Variants in CEP112 observed in about 807,000 individuals in gnomAD.
CEP112 encodes centrosomal protein 112, also known as centrosomal protein of 112 kDa.
A neutral mutation model predicts 153.0 loss-of-function variants in CEP112; 127 were observed. The ratio of observed to expected loss-of-function variants is 0.83; its 90% CI spans 0.72 to 0.96. The LOEUF (loss-of-function observed/expected upper bound fraction) is 0.96. CEP112 is among the 40% of genes least tolerant of loss of function. CEP112 has a pLI of 0.00. For missense variants in CEP112, 1,089 were observed against 1,101.2 expected (o/e 0.99, Z 0.16); for synonymous variants, 358 against 374.4 (o/e 0.96, Z 0.51).
rs531394296 is a variant in CEP112, at chr17:65,872,016, C to G, written c.2164-19982G>C. 6.2e-4 allele frequency among the ~76,000 whole-genome samples: 94 copies of G among 152,218 alleles called. 2 individuals carry two copies. The highest frequency in any genetic ancestry group is 4.6e-3 in the South Asian group (22 of 4,828). On this transcript the variant is annotated intron_variant, in intron 20 of 26. Transcript: ENST00000535342. ...TTATTTGCTGCTTTTTTTCTCTATT[C>G]ATAAAATGAATTCACCTGATATAAA...
intron 21 of CEP112, among the ~76,000 whole-genome samples, chr17:65,824,702 T>C (rs973304947): frequency 3.3e-5 from 5 of 152,144 alleles, no homozygotes; most frequent in Non-Finnish European, 5.9e-5. Flanking sequence ...ACGGAGATTG[T>C]TTACAGCCTA....
intron 20 of CEP112, among the ~76,000 whole-genome samples, 169 bp downstream of exon 20, chr17:65,901,983 C>A (rs1376297846): frequency 6.1e-4 from 3 of 4,936 alleles, no homozygotes; most frequent in Non-Finnish European, 1.1e-3. Context: ...CATCCCAAAA[C>A]GGGGGGGGGG....
At chr17:65,846,456 T>C (rs888674808) in intron 21 of CEP112, among the ~76,000 whole-genome samples, 1 of 152,264 alleles carries the variant, frequency 6.6e-6, no homozygotes, top group Non-Finnish European at 1.5e-5. Flanking sequence ...CTACCCAAAG[T>C]ATTTATAATG....
intron 21 of CEP112, among the ~76,000 whole-genome samples, chr17:65,830,966 G>T (rs2057051842): frequency 6.6e-6 from 1 of 152,196 alleles, no homozygotes. Flanking sequence ...CAATGAGTTT[G>T]TTCCACTGCA....
intron 8 of CEP112, among the ~76,000 whole-genome samples, chr17:66,078,677 TTTTG>T (rs918810779): frequency 1.4e-4 from 22 of 152,236 alleles, no homozygotes; most frequent in Admixed American, 1.4e-3. Context: ...TTTTTTTAAT[TTTTG>T]TTTTTGTTTT....
At chr17:66,092,707 G>A (rs1809202979) in intron 8 of CEP112, among the ~76,000 whole-genome samples, 1 of 152,050 alleles carries the variant, frequency 6.6e-6, no homozygotes, top group South Asian at 2.1e-4. Context: ...AGAATATAAA[G>A]ATACTTTAAC....
intron 23 of CEP112, among the ~76,000 whole-genome samples, chr17:65,690,871 C>T (rs748208477): frequency 1.3e-5 from 2 of 152,018 alleles, no homozygotes; most frequent in Non-Finnish European, 2.9e-5. Flanking sequence ...CAGAGATAGA[C>T]AGGAAGTTGC....
chr17:65,911,559 T>TGGCTCAC (rs2060283817), intron 19 of CEP112, among the ~76,000 whole-genome samples: 1 of 152,160 alleles, frequency 6.6e-6, no homozygotes, highest in Non-Finnish European at 1.5e-5. Context: ...CTGGGCACAG[T>TGGCTCAC]GGCTCACCCC....
chr17:65,650,871 A>T (rs568498911), intron 24 of CEP112, among the ~76,000 whole-genome samples: 1 of 151,498 alleles, frequency 6.6e-6, no homozygotes, highest in South Asian at 2.1e-4. Flanking sequence ...AAACAAATCC[A>T]TCTTTCTAAT....
At chr17:66,030,159 T>G in intron 12 of CEP112, 136 bp from the exon 13 acceptor site, 2 of 659,328 alleles carry the variant, frequency 3.0e-6, no homozygotes, top group African/African-American at 1.8e-5. Context: ...TAGTAGAAAT[T>G]AAATCAACCT....
chr17:65,837,072 C>A (rs1046431042), intron 21 of CEP112, among the ~76,000 whole-genome samples: 1 of 152,160 alleles, frequency 6.6e-6, no homozygotes, highest in African/African-American at 2.4e-5. Context: ...CCCAAGGTGC[C>A]GGGATTGCAG....
intron 24 of CEP112, among the ~76,000 whole-genome samples, chr17:65,661,972 T>TA (rs936740047): frequency 1.4e-5 from 2 of 145,560 alleles, no homozygotes; most frequent in Non-Finnish European, 3.0e-5. Context: ...ATTTATTTAT[T>TA]AAAAAATTTT....
intron 20 of CEP112, among the ~76,000 whole-genome samples, chr17:65,883,847 T>C (rs1489890148): frequency 6.6e-6 from 1 of 152,116 alleles, no homozygotes; most frequent in Admixed American, 6.5e-5. Context: ...TGGCAGTGAA[T>C]AAAGTGAATG....
At chr17:66,132,828 T>C (rs1434892074) in intron 4 of CEP112, 65 bp from the exon 5 acceptor site, 1 of 1,028,346 alleles carries the variant, frequency 9.7e-7, no homozygotes, top group Non-Finnish European at 1.5e-6. Context: ...TATTAGAATC[T>C]AGGATTACCA....
chr17:65,816,450 T>C (rs1328231564), intron 21 of CEP112, among the ~76,000 whole-genome samples: 1 of 152,098 alleles, frequency 6.6e-6, no homozygotes, highest in South Asian at 2.1e-4. Context: ...TCCCACCTTT[T>C]TCTCCTGAGT....
In CEP112 at chr17:65,637,315, T is replaced by C. The variant is rs1598151332; in HGVS notation, c.2800-127A>G. 1.4e-5 allele frequency: 10 copies of C among 690,496 alleles called. No homozygotes were observed. In the Admixed American group the frequency reaches 1.6e-4, roughly 11 times the overall value. The allele number at this position is 690,496 out of a possible 1,614,324, so 42.8% of individuals were successfully genotyped here. A position where few individuals can be genotyped will look rare whatever the true frequency, so the allele number is the denominator to read the frequency against. The stretch of plus-strand genomic sequence containing the variant: ...GATAAAACTCAGAGGATTTGTTGAA[T>C]GTCAATGTTGTGTTTTTTACATTTG... On this transcript the variant is annotated intron_variant, in intron 25 of 26. Transcript: ENST00000535342.
At chr17:65,702,429 T>C (rs1483009304) in intron 23 of CEP112, among the ~76,000 whole-genome samples, 1 of 152,186 alleles carries the variant, frequency 6.6e-6, no homozygotes, top group East Asian at 1.9e-4. Context: ...CATTTATCTG[T>C]GGTTTTATTT....
At chr17:66,079,374 G>T (rs746889786) in intron 8 of CEP112, among the ~76,000 whole-genome samples, 14 of 152,058 alleles carry the variant, frequency 9.2e-5, no homozygotes, top group Non-Finnish European at 1.3e-4. Context: ...AAAAAGGCAA[G>T]AAATATGACA....
At chr17:65,641,326 G>C (rs749852210) in intron 24 of CEP112, among the ~76,000 whole-genome samples, 31 of 152,300 alleles carry the variant, frequency 2.0e-4, no homozygotes, top group South Asian at 1.0e-3. Context: ...TTCAGCATCT[G>C]ATAAGTAAAA....
Sources: allele counts gnomAD v4.1 joint callset (sites outside exome capture counted in the v4.1 genomes callset), GRCh38; gene constraint gnomAD v4.1.1; transcripts MANE v1.5; gene names NCBI Gene and HGNC (gene_info 2026-07-23, HGNC 2026-07-21).